The following UPRT variants were observed in gnomAD, a reference collection of about 807,000 sequenced individuals.
The protein encoded by UPRT is uracil phosphoribosyltransferase homolog, also known as RP11-311P8.3.
A neutral mutation model predicts 22.6 loss-of-function variants in UPRT; 5 were observed. That is an observed-to-expected ratio of 0.22 (90% CI 0.12 to 0.47). UPRT has a LOEUF of 0.47. Among genes scored for constraint, UPRT ranks in the 20% least tolerant of loss-of-function variants. UPRT has a pLI of 0.99. For synonymous variants in UPRT, 77 were observed against 87.7 expected, an observed-to-expected ratio of 0.88 and a Z score of 0.68; for missense variants, 181 against 239.9, an observed-to-expected ratio of 0.75 and a Z score of 1.62.
chrX:75,175,442 T>C (rs6655630), intron 4 of UPRT, among the ~76,000 whole-genome samples: 3,207 of 111,934 alleles, frequency 0.029, 117 homozygotes, highest in African/African-American at 0.1. Flanking sequence ...TGGTAACGGA[T>C]CTTGAGGACA....
intron 1 of UPRT, among the ~76,000 whole-genome samples, chrX:75,288,051 T>C (rs1478908665): frequency 9.0e-6 from 1 of 111,537 alleles, no homozygotes; most frequent in Non-Finnish European, 1.9e-5. Context: ...TGAACAACTC[T>C]AGATGCAGAA....
intron 4 of UPRT, among the ~76,000 whole-genome samples, chrX:75,171,443 G>A (rs768465493): frequency 2.7e-5 from 3 of 110,510 alleles, no homozygotes; most frequent in African/African-American, 6.6e-5. Flanking sequence ...TTTTATTTAC[G>A]CTATCTATTT....
In UPRT at chrX:75,185,932, G is replaced by A. The variant is rs5981793; in HGVS notation, c.-447+18053G>A. ...TCTCTTTTTTTCTTTATTAGTCTTG[G>A]TAGCGGTCTATCAATTTTGTTGATC... On this transcript the variant is annotated intron_variant, in intron 4 of 13. Transcript: ENST00000652605. 2.7e-5 allele frequency among the ~76,000 whole-genome samples: 3 copies of A among 110,497 alleles called. 1 individual carries two copies. The highest frequency in any genetic ancestry group is 5.7e-4 in the East Asian group (2 of 3,498).
chrX:75,241,871 G>A (rs1054476629), intron 4 of UPRT, among the ~76,000 whole-genome samples: 1 of 109,143 alleles, frequency 9.2e-6, no homozygotes, highest in Non-Finnish European at 1.9e-5. Flanking sequence ...ACTACACTAT[G>A]AGGATACAAA....
intron 4 of UPRT, among the ~76,000 whole-genome samples, chrX:75,265,144 G>C (rs1370515329): frequency 9.0e-6 from 1 of 110,953 alleles, no homozygotes; most frequent in Non-Finnish European, 1.9e-5. Context: ...TGGTGAATCT[G>C]ACAATTATGT....
chrX:75,261,607 G>A (rs1212006806), intron 4 of UPRT, among the ~76,000 whole-genome samples: 1 of 111,826 alleles, frequency 8.9e-6, no homozygotes, highest in Non-Finnish European at 1.9e-5. Context: ...AGAGGAGCTG[G>A]TACCTATCCT....
intron 1 of UPRT, among the ~76,000 whole-genome samples, chrX:75,288,748 A>G (rs142190773): frequency 5.7e-4 from 64 of 111,590 alleles, no homozygotes; most frequent in African/African-American, 1.9e-3. Context: ...ATGGGCAAAA[A>G]CTGGAAGCAT....
chrX:75,182,892 A>C (rs1176291167), intron 4 of UPRT, among the ~76,000 whole-genome samples: 2 of 109,748 alleles, frequency 1.8e-5, no homozygotes, highest in Non-Finnish European at 3.8e-5. Context: ...GCTAGCTTTG[A>C]TATTGGTTTG....
chrX:75,264,466 A>C (rs1303221764), intron 4 of UPRT, among the ~76,000 whole-genome samples: 1 of 111,038 alleles, frequency 9.0e-6, no homozygotes, highest in Non-Finnish European at 1.9e-5. Flanking sequence ...TGATCCCTTT[A>C]CCATTGTGTA....
chrX:75,270,685 T>A (rs1341661444), upstream of UPRT, among the ~76,000 whole-genome samples: 1 of 111,302 alleles, frequency 9.0e-6, no homozygotes, highest in East Asian at 2.8e-4. Flanking sequence ...ATATTCTCAC[T>A]CATAAGTGTG....
chrX:75,298,012 TC>T (rs1169051245), intron 4 of UPRT, among the ~76,000 whole-genome samples: 1 of 106,207 alleles, frequency 9.4e-6, no homozygotes, highest in East Asian at 3.0e-4. Flanking sequence ...AGGGTCTCAC[TC>T]TATTGTCCAG....
intron 1 of UPRT, 178 bp downstream of exon 1, chrX:75,274,818 C>T (rs184594688): frequency 2.5e-4 from 94 of 377,209 alleles, no homozygotes; most frequent in African/African-American, 2.4e-3. Flanking sequence ...GTGTGTGTGT[C>T]GTGTAACTCG....
intron 1 of UPRT, among the ~76,000 whole-genome samples, chrX:75,279,655 T>A (rs2147687833): frequency 8.9e-6 from 1 of 111,863 alleles, no homozygotes; most frequent in African/African-American, 3.2e-5. Flanking sequence ...CTTATTTATT[T>A]TTTTCCATAA....
intron 4 of UPRT, among the ~76,000 whole-genome samples, chrX:75,256,913 G>A (rs924056005): frequency 8.1e-5 from 9 of 111,562 alleles, no homozygotes; most frequent in Non-Finnish European, 1.5e-4. Context: ...GGACAAGAAG[G>A]ATTAATGGCA....
upstream of UPRT, among the ~76,000 whole-genome samples, chrX:75,269,538 T>G (rs1470833416): frequency 8.9e-6 from 1 of 111,774 alleles, no homozygotes; most frequent in Admixed American, 9.5e-5. Context: ...AACAGCATGG[T>G]ACTGGTACCA....
intron 4 of UPRT, among the ~76,000 whole-genome samples, chrX:75,185,299 T>C (rs1362712609): frequency 8.9e-6 from 1 of 112,135 alleles, no homozygotes; most frequent in Non-Finnish European, 1.9e-5. Flanking sequence ...TTGTCTTGGG[T>C]TCTGTGTATA....
chrX:75,237,777 A>T (rs1341543344), intron 4 of UPRT, among the ~76,000 whole-genome samples: 1 of 81,756 alleles, frequency 1.2e-5, no homozygotes. Flanking sequence ...GAAGGGGAAC[A>T]TCACACTCTG....
intron 4 of UPRT, among the ~76,000 whole-genome samples, chrX:75,238,376 C>A (rs1319894826): frequency 9.0e-6 from 1 of 111,699 alleles, no homozygotes. Context: ...ACAGTTAAAA[C>A]AGATAAAGAG....
chrX:75,285,251 T>C (rs2147693538), intron 1 of UPRT, among the ~76,000 whole-genome samples: 1 of 111,556 alleles, frequency 9.0e-6, no homozygotes, highest in Admixed American at 9.4e-5. Context: ...AAAACTTCTT[T>C]CCCTGCCTGT....
Sources: gnomAD v4.1 joint callset for allele counts (sites outside exome capture counted in the v4.1 genomes callset) on GRCh38, gnomAD v4.1.1 for gene constraint, MANE v1.5 for transcripts, NCBI Gene and HGNC (gene_info 2026-07-23, HGNC 2026-07-21) for gene names.